Variants in SUPT3H observed in about 807,000 individuals in gnomAD.
SUPT3H encodes SPT3 homolog, SAGA and STAGA complex component, also known as transcription initiation protein SPT3 homolog.
In SUPT3H, 44 loss-of-function variants were observed where a neutral mutation model predicts 44.3. That is an observed-to-expected ratio of 0.99 (90% CI 0.78 to 1.28). The LOEUF is 1.28. SUPT3H is among the 50% of genes most tolerant of loss of function. The pLI is 0.00. For synonymous variants in SUPT3H, 124 were observed against 125.6 expected (o/e 0.99, Z 0.09); for missense variants, 380 against 387.1 (o/e 0.98, Z 0.15).
chr6:45,128,297 G>T (rs917223588), intron 2 of SUPT3H, among the ~76,000 whole-genome samples: 1 of 151,388 alleles, frequency 6.6e-6, no homozygotes, highest in Admixed American at 6.6e-5. Context: ...ACGAGGTCAG[G>T]AGATTGAGAC....
At chr6:44,964,564 G>C (rs1776518363) in intron 6 of SUPT3H, among the ~76,000 whole-genome samples, 1 of 152,142 alleles carries the variant, frequency 6.6e-6, no homozygotes, top group Non-Finnish European at 1.5e-5. Context: ...ATATTTCAAA[G>C]ATATCCATAA....
chr6:45,249,495 T>C (rs188997099), intron 2 of SUPT3H, among the ~76,000 whole-genome samples: 5 of 148,850 alleles, frequency 3.4e-5, no homozygotes, highest in East Asian at 3.9e-4. Flanking sequence ...AAAATGTTAA[T>C]AGCATTTTGG....
At chr6:45,026,951 T>A (rs1176207302) in intron 3 of SUPT3H, among the ~76,000 whole-genome samples, 3 of 150,754 alleles carry the variant, frequency 2.0e-5, no homozygotes, top group Non-Finnish European at 4.4e-5. Flanking sequence ...TCTGGAGCCC[T>A]CCAGACTTCC....
intron 9 of SUPT3H, among the ~76,000 whole-genome samples, chr6:44,949,115 T>C (rs1773847440): frequency 6.6e-6 from 1 of 152,096 alleles, no homozygotes; most frequent in South Asian, 2.1e-4. Context: ...GCTGGAAACA[T>C]CATTCTGAGC....
At chr6:45,360,240 T>C (rs528866859) in intron 2 of SUPT3H, among the ~76,000 whole-genome samples, 28 of 152,236 alleles carry the variant, frequency 1.8e-4, no homozygotes, top group Admixed American at 1.8e-3. Context: ...CTTTCGTCTA[T>C]AAAAGGGGAA....
At chr6:45,038,408 C>T (rs2153528352) in intron 3 of SUPT3H, among the ~76,000 whole-genome samples, 1 of 152,296 alleles carries the variant, frequency 6.6e-6, no homozygotes, top group East Asian at 1.9e-4. Flanking sequence ...CACCCACCAA[C>T]AGCTCACAAT....
At chr6:44,938,125 T>C (rs1771793973) in intron 9 of SUPT3H, among the ~76,000 whole-genome samples, 2 of 151,776 alleles carry the variant, frequency 1.3e-5, no homozygotes, top group Admixed American at 1.3e-4. Context: ...GCTTTTGAGG[T>C]CTTAGTCATG....
chr6:45,184,325 G>A (rs959348628), intron 2 of SUPT3H, among the ~76,000 whole-genome samples: 1 of 151,994 alleles, frequency 6.6e-6, no homozygotes, highest in African/African-American at 2.4e-5. Flanking sequence ...AAAAGACAAA[G>A]CACTCCTTTT....
chr6:45,059,635 G>A (rs1445932524), intron 3 of SUPT3H, among the ~76,000 whole-genome samples: 1 of 152,014 alleles, frequency 6.6e-6, no homozygotes, highest in Non-Finnish European at 1.5e-5. Context: ...TAGGGAGAGA[G>A]GAAGTCAAAT....
intron 3 of SUPT3H, among the ~76,000 whole-genome samples, chr6:45,055,559 C>T (rs941823232): frequency 2.0e-5 from 3 of 152,032 alleles, no homozygotes; most frequent in Non-Finnish European, 4.4e-5. Context: ...CAAACAAAAA[C>T]ATAAAGTGGG....
intron 2 of SUPT3H, among the ~76,000 whole-genome samples, chr6:45,205,173 C>T (rs112702362): frequency 0.028 from 4,192 of 152,232 alleles, 220 homozygotes; most frequent in African/African-American, 0.095. Flanking sequence ...TTTCCTTCTC[C>T]TTCTATCAGA....
intron 1 of SUPT3H, among the ~76,000 whole-genome samples, chr6:45,374,496 T>C (rs1348609269): frequency 6.6e-6 from 1 of 152,218 alleles, no homozygotes; most frequent in Non-Finnish European, 1.5e-5. Flanking sequence ...TCAAATCAAG[T>C]GTTAGAGCCT....
chr6:44,814,971 C>T (rs1209524061), intron 11 of SUPT3H, among the ~76,000 whole-genome samples: 2 of 152,012 alleles, frequency 1.3e-5, no homozygotes, highest in African/African-American at 4.8e-5. Context: ...GCCACCACGC[C>T]CGGCCTCAAA....
intron 5 of SUPT3H, among the ~76,000 whole-genome samples, chr6:45,013,119 AGATT>A (rs1329488641): frequency 6.6e-6 from 1 of 152,100 alleles, no homozygotes; most frequent in Admixed American, 6.6e-5. Context: ...ATTGCTCCAG[AGATT>A]GATTGATCTA....
intron 1 of SUPT3H, among the ~76,000 whole-genome samples, chr6:45,367,895 T>C (rs1009024883): frequency 2.6e-5 from 4 of 152,218 alleles, no homozygotes; most frequent in African/African-American, 7.2e-5. Flanking sequence ...GATGAGCTGA[T>C]AGGTCATTAG....
chr6:45,020,661 T>G (rs1210533576), intron 3 of SUPT3H, 29 bp from the exon 4 acceptor site: 6 of 1,543,518 alleles, frequency 3.9e-6, no homozygotes, highest in Non-Finnish European at 5.4e-6. Flanking sequence ...TAGAAATTTT[T>G]CTCAGTAACA....
intron 2 of SUPT3H, among the ~76,000 whole-genome samples, chr6:45,111,539 C>CCCCCA (rs1800066126): frequency 3.5e-5 from 5 of 142,342 alleles, no homozygotes; most frequent in Non-Finnish European, 6.1e-5. Context: ...CTCCCCCCCG[C>CCCCCA]AAAAAAAACA....
intron 2 of SUPT3H, among the ~76,000 whole-genome samples, chr6:45,192,935 C>T (rs1815383586): frequency 6.6e-6 from 1 of 152,048 alleles, no homozygotes; most frequent in Non-Finnish European, 1.5e-5. Context: ...GACTCTTTTG[C>T]TCTTTGAACC....
intron 2 of SUPT3H, among the ~76,000 whole-genome samples, chr6:45,180,288 C>T (rs202206099): frequency 2.0e-5 from 3 of 147,296 alleles, no homozygotes; most frequent in African/African-American, 5.1e-5. Context: ...AATGGCCATA[C>T]TGCCCAAGGT....
Sources: gnomAD v4.1 joint callset for allele counts (sites outside exome capture counted in the v4.1 genomes callset) on GRCh38, gnomAD v4.1.1 for gene constraint, MANE v1.5 for transcripts, NCBI Gene and HGNC (gene_info 2026-07-23, HGNC 2026-07-21) for gene names.